The following ELOVL6 variants were observed in gnomAD, a reference collection of about 807,000 sequenced individuals.
The protein encoded by ELOVL6 is ELOVL fatty acid elongase 6.
A neutral mutation model predicts 31.7 loss-of-function variants in ELOVL6; 8 were observed. That is an observed-to-expected ratio of 0.25 (90% CI 0.15 to 0.45). ELOVL6 has a LOEUF of 0.45. Ranked by LOEUF, ELOVL6 falls within the 20% of genes least tolerant of loss-of-function variation. The pLI is 1.00. For missense variants in ELOVL6, 126 were observed against 326.4 expected (o/e 0.39, Z 4.73); for synonymous variants, 101 against 117.7 (o/e 0.86, Z 0.92).
At chr4:110,191,097 G>C (rs1578292496) in intron 1 of ELOVL6, among the ~76,000 whole-genome samples, 1 of 152,118 alleles carries the variant, frequency 6.6e-6, no homozygotes, top group Admixed American at 6.5e-5. Flanking sequence ...GGGATTACAG[G>C]TGTGAGCCAC....
intron 1 of ELOVL6, among the ~76,000 whole-genome samples, chr4:110,163,712 CT>C: frequency 6.6e-6 from 1 of 152,254 alleles, no homozygotes; most frequent in East Asian, 1.9e-4. Flanking sequence ...AGTTCAAAAC[CT>C]TAAAAGGTTG....
chr4:110,152,799 A>G (rs1758315468), intron 1 of ELOVL6, among the ~76,000 whole-genome samples: 1 of 152,242 alleles, frequency 6.6e-6, no homozygotes, highest in African/African-American at 2.4e-5. Context: ...CACTTATGTT[A>G]GAAGGCTAAA....
At chr4:110,082,675 C>T (rs912212835) in intron 2 of ELOVL6, among the ~76,000 whole-genome samples, 4 of 152,064 alleles carry the variant, frequency 2.6e-5, no homozygotes, top group Non-Finnish European at 4.4e-5. Flanking sequence ...AGCACACCAA[C>T]ATGGCACATG....
At chr4:110,148,742 C>T (rs1393498940) in intron 1 of ELOVL6, among the ~76,000 whole-genome samples, 1 of 114,268 alleles carries the variant, frequency 8.8e-6, no homozygotes, top group East Asian at 3.3e-4. Flanking sequence ...ATCTCATGTA[C>T]CCCATAAATA....
At chr4:110,057,709 G>T (rs1021274913) in intron 3 of ELOVL6, among the ~76,000 whole-genome samples, 2 of 151,664 alleles carry the variant, frequency 1.3e-5, no homozygotes, top group Non-Finnish European at 2.9e-5. Flanking sequence ...AAATTAGCCG[G>T]GTGTAGTGGC....
intron 2 of ELOVL6, chr4:110,093,231 A>G (rs959021345): frequency 2.9e-5 from 9 of 306,760 alleles, no homozygotes; most frequent in Non-Finnish European, 5.9e-5. Flanking sequence ...AAGAATCTCA[A>G]GTTTAACATT....
In ELOVL6 at chr4:110,046,171, A is replaced by T. The variant is rs941324501; in HGVS notation, c.*5167T>A. ...GCCTTCTTAGTTTTTGTCGATGGAA[A>T]TAAAGTCTCAAGTGCTACTAAGCAT... is the stretch of plus-strand genomic sequence containing the variant. On this transcript the variant is annotated 3_prime_UTR_variant, in exon 4 of 4. Transcript: ENST00000302274. 4 of 152,224 alleles carry T rather than the reference A, an allele frequency of 2.6e-5. No individual in the cohort carries two copies. Among genetic ancestry groups the T allele is most frequent in the African/African-American group, 9.7e-5 (4 of 41,450 alleles). 9.4% of individuals were successfully genotyped at this position (152,224 alleles called of 1,614,324 possible).
intron 1 of ELOVL6, among the ~76,000 whole-genome samples, chr4:110,182,843 G>A (rs1759328606): frequency 1.3e-5 from 2 of 152,150 alleles, no homozygotes; most frequent in African/African-American, 4.8e-5. Flanking sequence ...GGGAGGCGGA[G>A]GTTGCGGTGA....
chr4:110,062,651 C>T (rs1324435645), intron 2 of ELOVL6, among the ~76,000 whole-genome samples: 2 of 152,200 alleles, frequency 1.3e-5, no homozygotes, highest in Non-Finnish European at 1.5e-5. Flanking sequence ...AAATATGCTG[C>T]TGTTCTGCTA....
At chr4:110,069,131 A>AAATAAT (rs58966120) in intron 2 of ELOVL6, among the ~76,000 whole-genome samples, 14,802 of 133,518 alleles carry the variant, frequency 0.11, 1,068 homozygotes, top group African/African-American at 0.22. Flanking sequence ...CTCTGTCTCC[A>AAATAAT]AATAATAATA....
intron 2 of ELOVL6, among the ~76,000 whole-genome samples, chr4:110,102,407 A>G (rs1175720452): frequency 1.3e-5 from 2 of 152,154 alleles, no homozygotes; most frequent in African/African-American, 4.8e-5. Context: ...TTGACCCGAG[A>G]GGAAGGAGAA....
intron 1 of ELOVL6, among the ~76,000 whole-genome samples, chr4:110,158,657 A>ATATATATATATATATATTTTTTT: frequency 1.3e-5 from 1 of 74,158 alleles, no homozygotes; most frequent in Non-Finnish European, 2.3e-5. Flanking sequence ...ATATATATAT[A>ATATATATATATATATATTTTTTT]TTTTTTTTTT....
intron 2 of ELOVL6, among the ~76,000 whole-genome samples, chr4:110,100,311 T>C (rs925898908): frequency 6.6e-6 from 1 of 152,206 alleles, no homozygotes; most frequent in African/African-American, 2.4e-5. Flanking sequence ...TTGTTTACTC[T>C]AGCAAAGCTT....
intron 1 of ELOVL6, among the ~76,000 whole-genome samples, chr4:110,140,960 G>T (rs181881845): frequency 2.6e-5 from 4 of 152,040 alleles, no homozygotes; most frequent in African/African-American, 9.7e-5. Context: ...GGCTGGGGAG[G>T]CCTCACAATC....
chr4:110,053,409 G>A (rs190209172), intron 3 of ELOVL6, among the ~76,000 whole-genome samples: 1 of 152,310 alleles, frequency 6.6e-6, no homozygotes. Flanking sequence ...GGCAGTGGCT[G>A]GAAAGATACA....
intron 1 of ELOVL6, among the ~76,000 whole-genome samples, chr4:110,180,671 C>CA (rs1459402670): frequency 6.6e-6 from 1 of 152,196 alleles, no homozygotes; most frequent in Non-Finnish European, 1.5e-5. Context: ...CTCAGCCTCC[C>CA]AAAGTGCTGG....
intron 1 of ELOVL6, among the ~76,000 whole-genome samples, chr4:110,131,672 TG>T (rs1466156292): frequency 6.6e-6 from 1 of 152,104 alleles, no homozygotes; most frequent in Non-Finnish European, 1.5e-5. Context: ...CTAGGTCCTG[TG>T]GGGGTGAGGA....
chr4:110,084,134 A>ATATATATGATATATATAACATATAT (rs1372065552), intron 2 of ELOVL6, among the ~76,000 whole-genome samples: 3 of 45,958 alleles, frequency 6.5e-5, no homozygotes, highest in African/African-American at 5.5e-4. Flanking sequence ...TATATGTGAT[A>ATATATATGATATATATAACATATAT]ATGATATATA....
At chr4:110,073,243 G>T (rs944590366) in intron 2 of ELOVL6, among the ~76,000 whole-genome samples, 2 of 152,120 alleles carry the variant, frequency 1.3e-5, no homozygotes, top group African/African-American at 4.8e-5. Context: ...GCACACACTG[G>T]ACTGCTGCCT....
Sources: allele counts gnomAD v4.1 joint callset (sites outside exome capture counted in the v4.1 genomes callset), GRCh38; gene constraint gnomAD v4.1.1; transcripts MANE v1.5; gene names NCBI Gene and HGNC (gene_info 2026-07-23, HGNC 2026-07-21).